Variants in IGF2R observed in about 807,000 individuals in gnomAD.
IGF2R encodes insulin like growth factor 2 receptor.
IGF2R carries 91 observed loss-of-function variants against 270.6 expected under a neutral mutation model. The observed-to-expected ratio is 0.34, with a 90% CI of 0.28 to 0.40. The LOEUF is 0.40. IGF2R is among the 10% of genes least tolerant of loss of function. IGF2R has a pLI of 1.00. For synonymous variants in IGF2R, 1,316 were observed against 1,258.9 expected (o/e 1.05, Z -0.96); for missense variants, 2,805 against 3,188.3 (o/e 0.88, Z 2.90).
At chr6:160,013,943 C>A (rs966762605) in intron 4 of IGF2R, among the ~76,000 whole-genome samples, 5 of 152,190 alleles carry the variant, frequency 3.3e-5, no homozygotes, top group Admixed American at 1.3e-4. Context: ...CCTCATCATT[C>A]CCTAAAGAAA....
In IGF2R at chr6:160,047,195, G is replaced by A. The variant is rs140897502; in HGVS notation, c.2088G>A (p.Ala696=). 29 of 1,613,984 alleles carry A rather than the reference G, an allele frequency of 1.8e-5. No homozygotes were observed. The highest frequency in any genetic ancestry group is 1.6e-4 in the African/African-American group (12 of 74,910). Residue 696 remains alanine, a synonymous_variant, in exon 16 of 48, where the codon GCG becomes GCA. Coordinates refer to ENST00000356956, the MANE Select transcript of IGF2R (RefSeq NM_000876.4). The stretch of plus-strand genomic sequence containing the variant: ...CTTGGAACTTGGGTCTGAGTAATGC[G>A]AAGCTTTCATATTATGATGGGATGA... ...EKTWNLGLSN[A]KLSYYDGMIQ...
At chr6:160,060,023 A>G (rs868546842) in intron 22 of IGF2R, among the ~76,000 whole-genome samples, 1 of 152,286 alleles carries the variant, frequency 6.6e-6, no homozygotes, top group Non-Finnish European at 1.5e-5. Flanking sequence ...CTTATGGTAG[A>G]AACCTGTCAT....
chr6:159,997,143 C>T (rs945043392), intron 2 of IGF2R, among the ~76,000 whole-genome samples: 3 of 152,134 alleles, frequency 2.0e-5, no homozygotes, highest in African/African-American at 7.2e-5. Context: ...TGGCACAGGC[C>T]ACAAGCCATG....
At chr6:159,986,673 T>G (rs1354455979) in intron 1 of IGF2R, among the ~76,000 whole-genome samples, 1 of 152,194 alleles carries the variant, frequency 6.6e-6, no homozygotes, top group Non-Finnish European at 1.5e-5. Context: ...CAGAAGCTTG[T>G]TTGTTGCTAA....
chr6:159,987,721 G>A (rs1247700916), intron 1 of IGF2R, among the ~76,000 whole-genome samples: 7 of 152,176 alleles, frequency 4.6e-5, no homozygotes, highest in African/African-American at 7.2e-5. Context: ...CATAATGTCC[G>A]TTGAAACATC....
chr6:159,977,453 T>C (rs1440856822), intron 1 of IGF2R, among the ~76,000 whole-genome samples: 1 of 151,730 alleles, frequency 6.6e-6, no homozygotes, highest in Non-Finnish European at 1.5e-5. Flanking sequence ...TTCTTGGCGC[T>C]TTAGGTCCTT....
chr6:160,069,299 C>G (rs1393116636), intron 30 of IGF2R, among the ~76,000 whole-genome samples: 2 of 152,094 alleles, frequency 1.3e-5, no homozygotes, highest in African/African-American at 2.4e-5. Flanking sequence ...GGTGGCTCAC[C>G]TCAAAGGCGG....
chr6:160,047,912 G>A lies in IGF2R; in HGVS notation c.2345+5G>A, dbSNP rs752336000. On this transcript the variant is annotated splice_donor_5th_base_variant and intron_variant, in intron 17 of 47. Coordinates refer to ENST00000356956, the MANE Select transcript of IGF2R (RefSeq NM_000876.4). ...GGAGCAGTACGACCTCTCCAGGTGAGGCAGAGTCAGCTGCTCTGTTTTTGG... is the reference window on the plus strand; with the variant it reads ...GGAGCAGTACGACCTCTCCAGGTGAAGCAGAGTCAGCTGCTCTGTTTTTGG... 3 of 1,578,958 alleles carry A rather than the reference G, an allele frequency of 1.9e-6. No individual in the cohort carries two copies. In the South Asian group the frequency reaches 3.3e-5, roughly 17 times the overall value.
rs1459076954 is a variant in IGF2R, at chr6:160,062,561, T to C, written c.3612T>C (p.Gly1204=). 2 of 1,613,814 alleles carry C rather than the reference T, an allele frequency of 1.2e-6. No homozygotes were observed. Among genetic ancestry groups the C allele is most frequent in the Non-Finnish European group, 1.7e-6 (2 of 1,179,814 alleles). ...CACCAGCATTTCAGCTTCAGGATGG[T>C]TGTGAGTACGTGTTTATCTGGAGAA... ...SGSPAFQLQD[G]CEYVFIWRTV... The change falls in exon 26 of 48, where the codon GGT becomes GGC. Residue 1204 remains glycine, a synonymous_variant. Transcript: ENST00000356956.
chr6:160,029,720 G>T (rs1777652996), intron 7 of IGF2R, 65 bp downstream of exon 7: 1 of 1,162,088 alleles, frequency 8.6e-7, no homozygotes, highest in African/African-American at 1.5e-5. Flanking sequence ...ATGCGAACGC[G>T]TTTCTGGGCT....
chr6:159,985,455 C>T (rs911128029), intron 1 of IGF2R, among the ~76,000 whole-genome samples: 3 of 152,194 alleles, frequency 2.0e-5, no homozygotes, highest in African/African-American at 2.4e-5. Context: ...AATGGCATCA[C>T]GTTCTGTGGG....
At position 160,044,609 on chromosome 6, in the gene IGF2R, G is replaced by A. The variant is rs754182952; in HGVS notation, c.1717G>A (p.Gly573Ser). 2 of 1,610,346 alleles carry A rather than the reference G, an allele frequency of 1.2e-6. No individual in the cohort carries two copies. The highest frequency in any genetic ancestry group is 1.7e-6 in the Non-Finnish European group (2 of 1,177,990). Residue 573 changes from glycine to serine, a missense_variant, in exon 13 of 48, where the codon GGT becomes AGT. Transcript: ENST00000356956. ...CTCTTATTCAGATGGTGATGATTGT[G>A]GTCATGGCAAGAAAATTAAAACTAA... The part of the protein sequence containing the change: ...QLSYSDGDDC[G>S]HGKKIKTNIT...
At chr6:160,062,134 A>G (rs1778453459) in intron 25 of IGF2R, among the ~76,000 whole-genome samples, 1 of 151,926 alleles carries the variant, frequency 6.6e-6, no homozygotes, top group Admixed American at 6.6e-5. Context: ...TGGAGGTCAA[A>G]GATTGGGTAC....
intron 45 of IGF2R, among the ~76,000 whole-genome samples, chr6:160,099,225 A>G (rs1339099884): frequency 6.6e-6 from 1 of 152,236 alleles, no homozygotes; most frequent in African/African-American, 2.4e-5. Flanking sequence ...ATAATTCAAG[A>G]AAGGTTAAAA....
rs775285059 is a variant in IGF2R at position 160,104,803 on chromosome 6, C to T, written c.7195C>T (p.Leu2399Phe). ...GHITTKSVKALSSLHGDDQDS... is the reference protein window; with the variant it reads ...GHITTKSVKAFSSLHGDDQDS... ...TATTACCACCAAGTCAGTGAAAGCC[C>T]TCAGCTCCCTGCATGGGGATGACCA... The change falls in exon 48 of 48, where the codon CTC (leucine) becomes TTC (phenylalanine). Residue 2399 changes from leucine (L) to phenylalanine (F), a missense_variant. Leu to Phe is a conservative substitution (Grantham distance 22). This residue lies in a region of IGF2R where 1,851 missense variants were observed against 2,207.2 expected (regional missense o/e 0.84). Coordinates refer to ENST00000356956, the MANE Select transcript of IGF2R (RefSeq NM_000876.4). 3 of 1,614,044 alleles carry T rather than the reference C, an allele frequency of 1.9e-6. No homozygotes were observed. Among genetic ancestry groups the T allele is most frequent in the Non-Finnish European group, 2.5e-6 (3 of 1,180,036 alleles).
intron 6 of IGF2R, among the ~76,000 whole-genome samples, chr6:160,027,969 G>A (rs1223842339): frequency 6.6e-6 from 1 of 152,186 alleles, no homozygotes; most frequent in Non-Finnish European, 1.5e-5. Flanking sequence ...GTTGTAGGGA[G>A]CATGTGCAAT....
intron 22 of IGF2R, 96 bp downstream of exon 22, chr6:160,059,194 C>G: frequency 1.0e-6 from 1 of 994,036 alleles, no homozygotes; most frequent in Admixed American, 2.2e-5. Context: ...TGCACATCCC[C>G]CGCCACCATG....
At chr6:160,079,484 A>T in intron 37 of IGF2R, 96 bp from the exon 38 acceptor site, 1 of 844,636 alleles carries the variant, frequency 1.2e-6, no homozygotes, top group Admixed American at 4.2e-5. Flanking sequence ...TTCCTCATGA[A>T]CCTGCCTCCA....
intron 20 of IGF2R, among the ~76,000 whole-genome samples, chr6:160,057,821 G>A (rs1180055564): frequency 6.6e-6 from 1 of 152,142 alleles, no homozygotes; most frequent in Non-Finnish European, 1.5e-5. Flanking sequence ...TCTGAGTCTG[G>A]GCTCACACTT....
Sources: allele counts gnomAD v4.1 joint callset (sites outside exome capture counted in the v4.1 genomes callset), GRCh38; gene constraint gnomAD v4.1.1; regional missense constraint gnomAD v4.1.1; transcripts MANE v1.5; gene names NCBI Gene and HGNC (gene_info 2026-07-23, HGNC 2026-07-21).